ADGRF1: variants seen among roughly 807,000 people sequenced by gnomAD.
The protein encoded by ADGRF1 is G protein-coupled receptor 110.
ADGRF1 carries 85 observed loss-of-function variants against 87.2 expected under a neutral mutation model. The ratio of observed to expected loss-of-function variants is 0.97; its 90% CI spans 0.82 to 1.17. The LOEUF (loss-of-function observed/expected upper bound fraction) is 1.17, where lower values mean the gene tolerates loss of function less well. Ranked by LOEUF, ADGRF1 falls within the 50% of genes most tolerant of loss-of-function variation. The pLI is 0.00. For missense variants in ADGRF1, 1,169 were observed against 1,077.2 expected (o/e 1.09, Z -1.19); for synonymous variants, 430 against 408.8 (o/e 1.05, Z -0.63).
intron 1 of ADGRF1, among the ~76,000 whole-genome samples, chr6:47,034,904 TCTC>T (rs1489437251): frequency 6.6e-6 from 1 of 152,220 alleles, no homozygotes; most frequent in East Asian, 1.9e-4. Flanking sequence ...CAAGAGTATT[TCTC>T]CTGCTGCTGG....
chr6:47,030,770 TC>T (rs919003908), intron 1 of ADGRF1, among the ~76,000 whole-genome samples: 8 of 149,562 alleles, frequency 5.3e-5, no homozygotes, highest in African/African-American at 1.7e-4. Context: ...TTTTCTTCAC[TC>T]TTTTTTTTTG....
chr6:47,010,435 C>T lies in ADGRF1; in HGVS notation c.1117-117G>A, dbSNP rs757160291. Reference sequence around the variant, plus strand: ...AATGCCCAGAGAATTGGCTCAGTCACGAACCACATTAAAACTCATCAATCA... The same window carrying T: ...AATGCCCAGAGAATTGGCTCAGTCATGAACCACATTAAAACTCATCAATCA... On this transcript the variant is annotated intron_variant, in intron 10 of 14. Transcript: ENST00000371253. 6 of 851,258 alleles carry T rather than the reference C, an allele frequency of 7.0e-6. No homozygotes were observed. In the Admixed American group the frequency reaches 8.7e-5, roughly 12 times the overall value. 52.7% of individuals were successfully genotyped at this position (851,258 alleles called of 1,614,324 possible).
At chr6:47,041,659 T>C (rs951641254) in intron 1 of ADGRF1, among the ~76,000 whole-genome samples, 1 of 152,248 alleles carries the variant, frequency 6.6e-6, no homozygotes, top group African/African-American at 2.4e-5. Context: ...TAGGGTTTTT[T>C]GGAGTCCTGG....
chr6:47,002,220 G>A (rs1387546947), intron 13 of ADGRF1, among the ~76,000 whole-genome samples: 1 of 152,114 alleles, frequency 6.6e-6, no homozygotes, highest in Non-Finnish European at 1.5e-5. Context: ...GCCAGATGCT[G>A]TTCTGGCACT....
Position 47,011,117 on chromosome 6 carries a change from G to C in ADGRF1, c.1117-799C>G, listed in dbSNP as rs1461883160. On this transcript the variant is annotated intron_variant, in intron 10 of 14. Coordinates refer to ENST00000371253, the MANE Select transcript of ADGRF1 (RefSeq NM_153840.4). ...CTCTGTTTTCTTTTGCTTTGTGTTT[G>C]CCTGCTTTGTTTTCACTCTTCATTT... Among the ~76,000 whole-genome samples, 5 of 152,154 alleles carry C rather than the reference G, an allele frequency of 3.3e-5. No homozygotes were observed. In the South Asian group the frequency reaches 1.0e-3, roughly 32 times the overall value.
In ADGRF1 at chr6:47,012,203, C is replaced by T. The variant is rs116193083; in HGVS notation, c.928-8G>A. ...TACAATCATACTGAAATTCTAGAAG[C>T]GAAAATGGTTAAGTTCTAGAAAACA... is the stretch of plus-strand genomic sequence containing the variant. On this transcript the variant is annotated splice_region_variant and splice_polypyrimidine_tract_variant and intron_variant, in intron 9 of 14. Transcript: ENST00000371253. 2,908 of 1,602,514 alleles carry T rather than the reference C, an allele frequency of 1.8e-3. 51 individuals are homozygous for T. The African/African-American group carries it at 0.033, about 18-fold the overall frequency.
intron 5 of ADGRF1, among the ~76,000 whole-genome samples, chr6:47,023,367 G>T (rs1194269205): frequency 6.6e-6 from 1 of 152,134 alleles, no homozygotes; most frequent in African/African-American, 2.4e-5. Flanking sequence ...GCTATTTCAG[G>T]CTCACTCTTT....
Position 47,007,083 on chromosome 6 carries a change from T to C in ADGRF1, c.2532+170A>G, listed in dbSNP as rs3818789. Among the ~76,000 whole-genome samples the C allele has an allele frequency of 4.5e-4, 69 of 152,306 alleles. No homozygotes were observed. In the East Asian group the frequency reaches 0.011, roughly 25 times the overall value. The stretch of plus-strand genomic sequence containing the variant: ...CTGCAAGCTTTATCAGCAGTGACTG[T>C]TTAGTTCCTTTGTTTTCTGACTGAG... On this transcript the variant is annotated intron_variant, in intron 12 of 14. Transcript: ENST00000371253.
chr6:47,027,785 T>C, intron 2 of ADGRF1, 24 bp from the exon 3 acceptor site: 1 of 1,321,450 alleles, frequency 7.6e-7, no homozygotes, highest in South Asian at 1.2e-5. Flanking sequence ...AAAAAATAGT[T>C]ACGGTGAGAC....
At chr6:47,007,951 T>G (rs929436103) in intron 11 of ADGRF1, among the ~76,000 whole-genome samples, 51 of 152,226 alleles carry the variant, frequency 3.4e-4, no homozygotes, top group Non-Finnish European at 5.7e-4. Context: ...GCTGAATAGA[T>G]GGAGAACCAA....
At chr6:47,031,583 T>C (rs946945678) in intron 1 of ADGRF1, among the ~76,000 whole-genome samples, 17 of 151,996 alleles carry the variant, frequency 1.1e-4, no homozygotes, top group African/African-American at 4.1e-4. Context: ...TAACTTAGCA[T>C]CAGAATTTCA....
At chr6:47,005,159 A>C (rs1448601286) in intron 13 of ADGRF1, among the ~76,000 whole-genome samples, 1 of 152,196 alleles carries the variant, frequency 6.6e-6, no homozygotes, top group Non-Finnish European at 1.5e-5. Flanking sequence ...AAAAGTCTAA[A>C]TAATATTGAA....
chr6:47,025,490 C>T (rs1780201211), intron 4 of ADGRF1, among the ~76,000 whole-genome samples: 1 of 152,106 alleles, frequency 6.6e-6, no homozygotes. Context: ...ATATCCTAGT[C>T]CCCTGAAGTT....
In ADGRF1 at chr6:47,014,836, T is replaced by TA; in HGVS notation, c.771dup (p.Asn258Ter). On this transcript the variant is annotated frameshift_variant, in exon 9 of 15. Coordinates refer to ENST00000371253, the MANE Select transcript of ADGRF1 (RefSeq NM_153840.4). LOFTEE classifies it high-confidence loss of function. ...GACCCAAATCCAAAGACAATGTCAT[T>TA]ACACTGGGCTGGAAACAAAAGAAAA... is the stretch of plus-strand genomic sequence containing the variant. 6.2e-7 allele frequency: 1 copy of TA among 1,603,428 alleles called. No individual in the cohort carries two copies. The highest frequency in any genetic ancestry group is 8.5e-7 in the Non-Finnish European group (1 of 1,173,864).
In ADGRF1 at chr6:47,009,092, A is replaced by T; in HGVS notation, c.2343T>A (p.Asp781Glu). ...RPTVGERLSRDDKATIIRVGK... is the reference protein window; with the variant it reads ...RPTVGERLSREDKATIIRVGK... Reference sequence around the variant, plus strand: ...CCACGCGGATGATGGTGGCCTTGTCATCCCGACTCAGTCTTTCCCCAACAG... The same window carrying T: ...CCACGCGGATGATGGTGGCCTTGTCTTCCCGACTCAGTCTTTCCCCAACAG... Residue 781 changes from aspartate to glutamate, a missense_variant, in exon 11 of 15, where the codon GAT (aspartate) becomes GAA (glutamate). By Grantham distance (45) the Asp-to-Glu change is conservative. Coordinates refer to ENST00000371253, the MANE Select transcript of ADGRF1 (RefSeq NM_153840.4). 1 of 1,614,110 alleles carries T rather than the reference A, an allele frequency of 6.2e-7. No homozygotes were observed. The highest frequency in any genetic ancestry group is 8.5e-7 in the Non-Finnish European group (1 of 1,180,014).
intron 12 of ADGRF1, among the ~76,000 whole-genome samples, chr6:47,006,378 T>C (rs1472688439): frequency 1.3e-5 from 2 of 152,292 alleles, no homozygotes; most frequent in Non-Finnish European, 2.9e-5. Flanking sequence ...AACAGAATTG[T>C]TTAATGCTTG....
intron 11 of ADGRF1, among the ~76,000 whole-genome samples, chr6:47,008,356 A>G (rs1283791551): frequency 6.6e-6 from 1 of 152,172 alleles, no homozygotes; most frequent in Non-Finnish European, 1.5e-5. Flanking sequence ...TTTGTAGCAG[A>G]GATTAGCAAA....
chr6:47,019,364 T>C, intron 7 of ADGRF1: 1 of 985,170 alleles, frequency 1.0e-6, no homozygotes, highest in South Asian at 4.7e-5. Flanking sequence ...CAGAACAACA[T>C]GTTTATAGCA....
rs73480725 is a variant in ADGRF1, at chr6:47,009,739, A to G, written c.1696T>C (p.Leu566=). ...QDIVTCQCTH[L]TSFSILMSPF... is the part of the protein sequence containing the mutation. Reference sequence around the variant, plus strand: ...GACATCAATATGGAGAAGGAGGTCAAGTGAGTACATTGGCACGTCACGATG... The same window carrying G: ...GACATCAATATGGAGAAGGAGGTCAGGTGAGTACATTGGCACGTCACGATG... Residue 566 remains leucine (L), a synonymous_variant, in exon 11 of 15, where the codon TTG becomes CTG. Transcript: ENST00000371253. 70,520 of 1,614,186 alleles carry G rather than the reference A, an allele frequency of 0.044. 1,745 individuals are homozygous for G. Among genetic ancestry groups the G allele is most frequent in the Non-Finnish European group, 0.051 (59,816 of 1,180,000 alleles).
Sources: allele counts gnomAD v4.1 joint callset (sites outside exome capture counted in the v4.1 genomes callset), GRCh38; gene constraint gnomAD v4.1.1; transcripts MANE v1.5; gene names NCBI Gene and HGNC (gene_info 2026-07-23, HGNC 2026-07-21).